The following ANK3 variants were observed in gnomAD, a reference collection of about 807,000 sequenced individuals.
ANK3 encodes ankyrin 3.
ANK3 carries 57 observed loss-of-function variants against 370.9 expected under a neutral mutation model. The observed-to-expected ratio is 0.15, with a 90% CI of 0.12 to 0.19. The LOEUF (loss-of-function observed/expected upper bound fraction) is 0.19. ANK3 is among the 10% of genes least tolerant of loss of function. The probability of loss-of-function intolerance (pLI) is 1.00; values close to 1 mark genes in which losing one functional copy is unlikely to be tolerated. For missense variants in ANK3, 4,439 were observed against 5,302.1 expected, an observed-to-expected ratio of 0.84 and a Z score of 5.06; for synonymous variants, 1,929 against 1,946.3, an observed-to-expected ratio of 0.99 and a Z score of 0.23.
chr10:60,278,348 G>T (rs944782228), intron 4 of ANK3, among the ~76,000 whole-genome samples: 12 of 152,074 alleles, frequency 7.9e-5, no homozygotes, highest in African/African-American at 2.9e-4. Context: ...TATTGCAAAT[G>T]AAAATACATA....
chr10:60,598,199 A>G (rs946834351), intron 2 of ANK3, among the ~76,000 whole-genome samples: 3 of 152,224 alleles, frequency 2.0e-5, no homozygotes, highest in African/African-American at 7.2e-5. Flanking sequence ...TTATCAAATT[A>G]AAGTGCAGTT....
At chr10:60,199,871 T>A (rs2096646479) in intron 13 of ANK3, among the ~76,000 whole-genome samples, 1 of 152,212 alleles carries the variant, frequency 6.6e-6, no homozygotes, top group African/African-American at 2.4e-5. Context: ...GTCCCCAATC[T>A]GTTAGGGACT....
At chr10:60,582,639 C>T (rs2077771053) in intron 2 of ANK3, among the ~76,000 whole-genome samples, 1 of 149,514 alleles carries the variant, frequency 6.7e-6, no homozygotes, top group Non-Finnish European at 1.5e-5. Flanking sequence ...GCTTCCGATT[C>T]CTAAAATATA....
Position 60,075,105 on chromosome 10 carries a change from C to G in ANK3, c.5776G>C (p.Glu1926Gln). ...GGGAGTTCAGGTTGGAATGGCTTCTCCTCAGGCACATCTGTCTGTAGTATT... is the reference window on the plus strand; with the variant it reads ...GGGAGTTCAGGTTGGAATGGCTTCTGCTCAGGCACATCTGTCTGTAGTATT... ...TAILQTDVPE[E>Q]KPFQPELPKE... Residue 1926 changes from glutamate to glutamine, a missense_variant, in exon 37 of 44, where the codon GAG becomes CAG. Coordinates refer to ENST00000280772, the MANE Select transcript of ANK3 (RefSeq NM_020987.5). The G allele has an allele frequency of 6.2e-7, 1 of 1,610,710 alleles. No individual in the cohort carries two copies. Among genetic ancestry groups the G allele is most frequent in the Non-Finnish European group, 8.5e-7 (1 of 1,176,876 alleles).
intron 2 of ANK3, among the ~76,000 whole-genome samples, chr10:60,489,439 C>A (rs2075435208): frequency 6.6e-6 from 1 of 152,192 alleles, no homozygotes; most frequent in South Asian, 2.1e-4. Flanking sequence ...ATGAAAATAA[C>A]TCACTCATTT....
chr10:60,272,683 T>C (rs1478817874), intron 4 of ANK3, among the ~76,000 whole-genome samples: 1 of 152,112 alleles, frequency 6.6e-6, no homozygotes, highest in Non-Finnish European at 1.5e-5. Context: ...TTTCAACATG[T>C]TGGCCAGGAT....
chr10:60,172,495 C>T (rs1048260735), intron 20 of ANK3, 92 bp from the exon 21 acceptor site: 5 of 954,302 alleles, frequency 5.2e-6, no homozygotes, highest in African/African-American at 1.6e-5. Flanking sequence ...TCTCATCAGA[C>T]CCATCCCACT....
intron 1 of ANK3, among the ~76,000 whole-genome samples, chr10:60,697,243 G>A (rs61854538): frequency 0.11 from 16,731 of 149,220 alleles, 1,325 homozygotes; most frequent in East Asian, 0.26. Context: ...ACTGCTCAAG[G>A]AAATAAAAGA....
chr10:60,063,268 A>C lies in ANK3; in HGVS notation c.12452-14T>G. 1 of 1,598,864 alleles carries C rather than the reference A, an allele frequency of 6.3e-7. No individual in the cohort carries two copies. The highest frequency in any genetic ancestry group is 8.5e-7 in the Non-Finnish European group (1 of 1,174,126). On this transcript the variant is annotated splice_polypyrimidine_tract_variant and intron_variant, in intron 39 of 43. Transcript: ENST00000280772. Reference sequence around the variant, plus strand: ...TTAAGGCATCAGCTGAAAAGGAGAAAAAAAGGTTGAAAACCCAATTAAATT... The same window carrying C: ...TTAAGGCATCAGCTGAAAAGGAGAACAAAAGGTTGAAAACCCAATTAAATT...
intron 2 of ANK3, among the ~76,000 whole-genome samples, chr10:60,422,724 C>T (rs2063803907): frequency 6.6e-6 from 1 of 151,922 alleles, no homozygotes; most frequent in South Asian, 2.1e-4. Flanking sequence ...TTTAAAAATG[C>T]AAATAAGAAT....
intron 2 of ANK3, among the ~76,000 whole-genome samples, chr10:60,545,618 G>T (rs552921608): frequency 6.6e-6 from 1 of 151,872 alleles, no homozygotes; most frequent in African/African-American, 2.4e-5. Context: ...ATTTTCAAGG[G>T]ATTGAAATAC....
At chr10:60,177,871 A>G (rs549977462) in intron 18 of ANK3, among the ~76,000 whole-genome samples, 1 of 152,022 alleles carries the variant, frequency 6.6e-6, no homozygotes, top group African/African-American at 2.4e-5. Flanking sequence ...AAAGTCTTCA[A>G]ATCTTAGCTG....
intron 23 of ANK3, among the ~76,000 whole-genome samples, chr10:60,145,348 T>C (rs2094762518): frequency 1.3e-5 from 2 of 152,232 alleles, no homozygotes; most frequent in African/African-American, 2.4e-5. Context: ...ACACAAGAGA[T>C]TAATGATCAA....
intron 1 of ANK3, among the ~76,000 whole-genome samples, chr10:60,359,155 C>A (rs1007756770): frequency 1.3e-5 from 2 of 152,092 alleles, no homozygotes; most frequent in Non-Finnish European, 2.9e-5. Flanking sequence ...TAGGGAGGTG[C>A]TCAAGGAATG....
chr10:60,408,184 G>C (rs2063490965), intron 2 of ANK3, among the ~76,000 whole-genome samples: 1 of 152,166 alleles, frequency 6.6e-6, no homozygotes, highest in African/African-American at 2.4e-5. Context: ...CTATCAGCCT[G>C]ACTGCTTATG....
intron 2 of ANK3, among the ~76,000 whole-genome samples, chr10:60,498,848 G>T (rs953734494): frequency 5.3e-5 from 8 of 152,100 alleles, no homozygotes; most frequent in Non-Finnish European, 1.2e-4. Context: ...TGGCCATCAG[G>T]CATATTTGTA....
intron 1 of ANK3, among the ~76,000 whole-genome samples, chr10:60,287,257 A>G (rs2040227055): frequency 6.6e-6 from 1 of 152,206 alleles, no homozygotes. Context: ...TCAAAGATGT[A>G]CTTCAGAAGA....
At chr10:60,579,161 C>T (rs898366544) in intron 2 of ANK3, among the ~76,000 whole-genome samples, 4 of 151,486 alleles carry the variant, frequency 2.6e-5, no homozygotes, top group Admixed American at 6.6e-5. Context: ...CCCGTCTCTA[C>T]TAAAAATACA....
intron 2 of ANK3, among the ~76,000 whole-genome samples, chr10:60,607,586 G>A (rs1186613345): frequency 6.6e-6 from 1 of 152,150 alleles, no homozygotes; most frequent in Non-Finnish European, 1.5e-5. Flanking sequence ...TCAGCATAGT[G>A]CTCCGGAATC....
Sources: gnomAD v4.1 joint callset for allele counts (sites outside exome capture counted in the v4.1 genomes callset) on GRCh38, gnomAD v4.1.1 for gene constraint, MANE v1.5 for transcripts, NCBI Gene and HGNC (gene_info 2026-07-23, HGNC 2026-07-21) for gene names.